The following FBXO25 variants were observed in gnomAD, a reference collection of about 807,000 sequenced individuals.
FBXO25 encodes F-box only protein 25.
FBXO25 carries 45 observed loss-of-function variants against 51.9 expected under a neutral mutation model. The observed-to-expected ratio is 0.87, with a 90% CI of 0.68 to 1.11. The LOEUF is 1.11. Ranked by LOEUF, FBXO25 falls within the 50% of genes most tolerant of loss-of-function variation. The pLI, the probability that FBXO25 is intolerant of heterozygous loss-of-function variation, is 0.00. For synonymous variants in FBXO25, 199 were observed against 151.0 expected, an observed-to-expected ratio of 1.32 and a Z score of -2.33; for missense variants, 507 against 428.5, an observed-to-expected ratio of 1.18 and a Z score of -1.62.
intron 2 of FBXO25, among the ~76,000 whole-genome samples, chr8:428,083 T>TA (rs1797600691): frequency 6.6e-6 from 1 of 152,244 alleles, no homozygotes; most frequent in Non-Finnish European, 1.5e-5. Context: ...TTATGAGAAA[T>TA]AGTTCCGTTC....
rs533360097 is a variant in FBXO25 at position 461,602 on chromosome 8, G to A, written c.844-1405G>A. On this transcript the variant is annotated intron_variant, in intron 8 of 9. Transcript: ENST00000350302. Reference sequence around the variant, plus strand: ...TGGGAACTACAATTCAAGATTTGGCGGGGGACACAGCTAAAACATCAGCAT... The same window carrying A: ...TGGGAACTACAATTCAAGATTTGGCAGGGGACACAGCTAAAACATCAGCAT... 1.1e-3 allele frequency among the ~76,000 whole-genome samples: 171 copies of A among 152,262 alleles called. 1 individual carries two copies. Among genetic ancestry groups the A allele is most frequent in the Admixed American group, 2.0e-3 (31 of 15,286 alleles).
intron 2 of FBXO25, among the ~76,000 whole-genome samples, chr8:420,696 G>T (rs879792553): frequency 2.6e-5 from 4 of 152,218 alleles, no homozygotes; most frequent in Non-Finnish European, 5.9e-5. Context: ...CGTCCATACT[G>T]TATGATTCTA....
At position 474,827 on chromosome 8, in the gene FBXO25, A is replaced by T. The variant is rs542938221; in HGVS notation, c.*6023A>T. The T allele has an allele frequency of 2.3e-6, 1 of 431,900 alleles. No individual in the cohort carries two copies. Among genetic ancestry groups the T allele is most frequent in the South Asian group, 1.7e-5 (1 of 59,236 alleles). The allele number at this position is 431,900 out of a possible 1,614,324, so 26.8% of individuals were successfully genotyped here. On this transcript the variant is annotated 3_prime_UTR_variant, in exon 10 of 10. Coordinates refer to ENST00000350302, the MANE Select transcript of FBXO25 (RefSeq NM_183420.2). ...CTCTGTTTTGTTCTTTGATGTACAG[A>T]AGTTGTTTCTTTCTTTTAGTTACCT...
At chr8:423,241 A>T (rs1008130231) in intron 2 of FBXO25, among the ~76,000 whole-genome samples, 66 of 152,208 alleles carry the variant, frequency 4.3e-4, no homozygotes, top group Non-Finnish European at 4.4e-5. Flanking sequence ...AGCTGGGGCT[A>T]GAGTCTTCAC....
intron 8 of FBXO25, among the ~76,000 whole-genome samples, chr8:460,395 C>T (rs952776885): frequency 2.6e-5 from 4 of 152,028 alleles, no homozygotes; most frequent in Admixed American, 2.0e-4. Flanking sequence ...ATCATAAAAA[C>T]ACAGCATCAG....
intron 5 of FBXO25, among the ~76,000 whole-genome samples, chr8:436,445 T>G (rs1184814306): frequency 3.3e-5 from 5 of 152,220 alleles, no homozygotes; most frequent in Admixed American, 2.6e-4. Context: ...ACCAAAAATT[T>G]AGGGAGTTAA....
intron 2 of FBXO25, among the ~76,000 whole-genome samples, chr8:426,126 C>A (rs1408641643): frequency 6.6e-6 from 1 of 152,138 alleles, no homozygotes; most frequent in Admixed American, 6.6e-5. Context: ...CATGTGCCAG[C>A]AGCTCCACAG....
At chr8:425,437 GT>G (rs1254343058) in intron 2 of FBXO25, among the ~76,000 whole-genome samples, 1 of 149,020 alleles carries the variant, frequency 6.7e-6, no homozygotes, top group Non-Finnish European at 1.5e-5. Context: ...CTAGTGGTTT[GT>G]TTTGGTTGAT....
chr8:416,569 CT>C (rs1432303165), intron 2 of FBXO25, among the ~76,000 whole-genome samples: 2 of 152,154 alleles, frequency 1.3e-5, no homozygotes, highest in Admixed American at 1.3e-4. Context: ...AGTGGCTTTT[CT>C]TTGCTCTTGA....
At position 458,031 on chromosome 8, in the gene FBXO25, C is replaced by G. The variant is rs542237859; in HGVS notation, c.661-338C>G. Among the ~76,000 whole-genome samples the G allele has an allele frequency of 3.9e-5, 6 of 152,324 alleles. No homozygotes were observed. The South Asian group carries it at 8.3e-4, about 21-fold the overall frequency. ...ATTCATCTAGGCAGCAGCGCCACATCCACAGACGCTGCCCTTCTCCAGGTG... is the reference window on the plus strand; with the variant it reads ...ATTCATCTAGGCAGCAGCGCCACATGCACAGACGCTGCCCTTCTCCAGGTG... On this transcript the variant is annotated intron_variant, in intron 7 of 9. Transcript: ENST00000350302.
Position 477,149 on chromosome 8 carries a change from ATTT to A in FBXO25, c.*8347_*8349del, listed in dbSNP as rs1800670366. The A allele has an allele frequency of 1.3e-5, 2 of 152,276 alleles. No homozygotes were observed. The highest frequency in any genetic ancestry group is 2.9e-5 in the Non-Finnish European group (2 of 68,020). 9.4% of individuals were successfully genotyped at this position (152,276 alleles called of 1,614,324 possible). A position where few individuals can be genotyped will look rare whatever the true frequency, so the allele number is the denominator to read the frequency against. ...TCATCCCACTGTGGCCAGAAAAGAT[ATTT>A]TATTTCCTCAGTCTTTTGAAATTTG... On this transcript the variant is annotated 3_prime_UTR_variant, in exon 10 of 10. Coordinates refer to ENST00000350302, the MANE Select transcript of FBXO25 (RefSeq NM_183420.2).
intron 1 of FBXO25, among the ~76,000 whole-genome samples, chr8:412,761 A>T (rs1293304635): frequency 6.6e-6 from 1 of 152,208 alleles, no homozygotes; most frequent in African/African-American, 2.4e-5. Context: ...CTTGTTTGGA[A>T]TAATATTCCC....
intron 4 of FBXO25, among the ~76,000 whole-genome samples, chr8:434,360 C>T (rs186513585): frequency 5.3e-5 from 8 of 152,184 alleles, no homozygotes; most frequent in South Asian, 4.1e-4. Flanking sequence ...GCTGCACCAT[C>T]GTGTGGAATA....
intron 2 of FBXO25, among the ~76,000 whole-genome samples, chr8:429,250 A>G (rs897804398): frequency 2.0e-5 from 3 of 152,036 alleles, no homozygotes; most frequent in Non-Finnish European, 4.4e-5. Context: ...AATGAGCGTG[A>G]GGTAGTATCT....
chr8:418,595 C>T (rs574851505), intron 2 of FBXO25, among the ~76,000 whole-genome samples: 1 of 152,178 alleles, frequency 6.6e-6, no homozygotes, highest in Non-Finnish European at 1.5e-5. Flanking sequence ...CCGCCTCAGC[C>T]TCCCAAAGTG....
In FBXO25 at chr8:432,953, A is replaced by C; in HGVS notation, c.288+18A>C. 1 of 1,545,642 alleles carries C rather than the reference A, an allele frequency of 6.5e-7. No individual in the cohort carries two copies. On this transcript the variant is annotated intron_variant, in intron 4 of 9. Transcript: ENST00000350302. ...CAAAGGAAGTAAGTATTCTATTATA[A>C]ATATGAGAGTATCTTGTATTGTTTC...
chr8:449,968 T>C (rs1318762205), intron 5 of FBXO25, 22 bp from the exon 6 acceptor site: 1 of 1,555,122 alleles, frequency 6.4e-7, no homozygotes. Context: ...ATCGCTCAGC[T>C]TTTTTCCGTC....
At position 472,013 on chromosome 8, in the gene FBXO25, C is replaced by G. The variant is rs1800500794; in HGVS notation, c.*3209C>G. The G allele has an allele frequency of 6.6e-6, 1 of 152,216 alleles. No homozygotes were observed. The highest frequency in any genetic ancestry group is 1.5e-5 in the Non-Finnish European group (1 of 68,040). The allele number at this position is 152,216 out of a possible 1,614,324, so 9.4% of individuals were successfully genotyped here. On this transcript the variant is annotated 3_prime_UTR_variant, in exon 10 of 10. Coordinates refer to ENST00000350302, the MANE Select transcript of FBXO25 (RefSeq NM_183420.2). ...GATGCTGTGTACAAAATCATGTCAT[C>G]TATGAATAGACAGTTTCACTTCTTC...
intron 5 of FBXO25, among the ~76,000 whole-genome samples, chr8:442,761 T>C (rs1014940659): frequency 6.6e-6 from 1 of 152,196 alleles, no homozygotes; most frequent in African/African-American, 2.4e-5. Flanking sequence ...TTAGCCACCC[T>C]GCCCAGCCTA....
Sources: gnomAD v4.1 joint callset for allele counts (sites outside exome capture counted in the v4.1 genomes callset) on GRCh38, gnomAD v4.1.1 for gene constraint, MANE v1.5 for transcripts, NCBI Gene and HGNC (gene_info 2026-07-23, HGNC 2026-07-21) for gene names.